Variants in LPP observed in about 807,000 individuals in gnomAD.
The protein encoded by LPP is lipoma-preferred partner.
A neutral mutation model predicts 60.4 loss-of-function variants in LPP; 38 were observed. The ratio of observed to expected loss-of-function variants is 0.63; its 90% CI spans 0.49 to 0.83. The LOEUF is 0.83. LPP is among the 40% of genes least tolerant of loss of function. The pLI is 0.00. For missense variants in LPP, 902 were observed against 783.6 expected (o/e 1.15, Z -1.80); for synonymous variants, 328 against 290.8 (o/e 1.13, Z -1.30).
At chr3:188,334,607 T>C (rs1380398567) in intron 2 of LPP, among the ~76,000 whole-genome samples, 1 of 152,022 alleles carries the variant, frequency 6.6e-6, no homozygotes, top group Non-Finnish European at 1.5e-5. Flanking sequence ...ATTTTTGTGT[T>C]TTTAGTACAG....
intron 7 of LPP, among the ~76,000 whole-genome samples, chr3:188,667,376 G>A (rs1282354593): frequency 6.6e-6 from 1 of 151,850 alleles, no homozygotes; most frequent in East Asian, 1.9e-4. Flanking sequence ...TACTTGGGAG[G>A]CTGAGGCAGG....
chr3:188,771,441 C>T (rs1177312359), intron 9 of LPP, among the ~76,000 whole-genome samples: 4 of 149,814 alleles, frequency 2.7e-5, no homozygotes, highest in Admixed American at 6.7e-5. Context: ...CCCAGCTACT[C>T]GGGAGGCTGA....
intron 7 of LPP, among the ~76,000 whole-genome samples, chr3:188,699,901 C>T (rs1864038124): frequency 6.6e-6 from 1 of 151,994 alleles, no homozygotes; most frequent in South Asian, 2.1e-4. Flanking sequence ...GAAGCAGCCA[C>T]AGGAAATTGC....
intron 5 of LPP, among the ~76,000 whole-genome samples, chr3:188,511,012 C>A (rs888796127): frequency 1.6e-4 from 24 of 151,564 alleles, no homozygotes; most frequent in African/African-American, 5.6e-4. Flanking sequence ...TGGCAGAGAA[C>A]CCCTGATCCA....
chr3:188,753,911 C>T (rs567685352), intron 8 of LPP, among the ~76,000 whole-genome samples: 2 of 152,188 alleles, frequency 1.3e-5, no homozygotes, highest in South Asian at 2.1e-4. Flanking sequence ...TATACACAAG[C>T]ACAGTGACAG....
intron 7 of LPP, among the ~76,000 whole-genome samples, chr3:188,625,317 A>C (rs1364768510): frequency 6.6e-6 from 1 of 152,208 alleles, no homozygotes; most frequent in East Asian, 1.9e-4. Context: ...CTCACAGTAT[A>C]ATTAGGACTT....
chr3:188,668,099 A>C (rs1856188060), intron 7 of LPP, among the ~76,000 whole-genome samples: 1 of 152,106 alleles, frequency 6.6e-6, no homozygotes. Flanking sequence ...TTCTCTGACA[A>C]GCTGTTACCT....
chr3:188,845,510 A>C (rs1761170727), intron 9 of LPP, among the ~76,000 whole-genome samples: 1 of 152,178 alleles, frequency 6.6e-6, no homozygotes, highest in Admixed American at 6.6e-5. Context: ...GAATTTTAGA[A>C]AGGGTCTCTT....
chr3:188,268,750 G>A (rs547249646), intron 2 of LPP, among the ~76,000 whole-genome samples: 72 of 152,286 alleles, frequency 4.7e-4, no homozygotes, highest in African/African-American at 1.7e-3. Flanking sequence ...ACTGACTTAC[G>A]CCATTGTGCC....
At chr3:188,713,565 G>A (rs1301583394) in intron 8 of LPP, among the ~76,000 whole-genome samples, 3 of 152,122 alleles carry the variant, frequency 2.0e-5, no homozygotes, top group African/African-American at 4.8e-5. Context: ...GTATGATTGT[G>A]TCTACAGTTT....
At chr3:188,215,779 A>G (rs1713309947) in intron 1 of LPP, among the ~76,000 whole-genome samples, 1 of 152,200 alleles carries the variant, frequency 6.6e-6, no homozygotes, top group African/African-American at 2.4e-5. Flanking sequence ...GTGGAGACTA[A>G]TTTTACCTAA....
At chr3:188,621,516 C>T (rs768667886) in intron 7 of LPP, among the ~76,000 whole-genome samples, 5 of 152,060 alleles carry the variant, frequency 3.3e-5, no homozygotes, top group African/African-American at 7.2e-5. Flanking sequence ...TTTTTTTTGA[C>T]TGCACAGTAT....
chr3:188,324,840 C>T (rs1266091135), intron 2 of LPP, among the ~76,000 whole-genome samples: 1 of 152,128 alleles, frequency 6.6e-6, no homozygotes, highest in African/African-American at 2.4e-5. Context: ...GTTTGACTTA[C>T]AATTTGTCCA....
rs561143076 is a variant in LPP at position 188,200,392 on chromosome 3, G to A, written c.-189-25013G>A. On this transcript the variant is annotated intron_variant, in intron 1 of 11. Coordinates refer to ENST00000617246, the MANE Select transcript of LPP (RefSeq NM_001375462.1). The stretch of plus-strand genomic sequence containing the variant: ...AGCCTCCCGAGTAACTGTGATTACA[G>A]GCACATGCCACCATGCCCCACTAAT... Among the ~76,000 whole-genome samples the A allele has an allele frequency of 7.8e-4, 119 of 152,232 alleles. 1 individual carries two copies. The highest frequency in any genetic ancestry group is 2.7e-3 in the African/African-American group (111 of 41,544).
intron 4 of LPP, among the ~76,000 whole-genome samples, chr3:188,410,126 C>T (rs1215744111): frequency 6.6e-6 from 1 of 152,182 alleles, no homozygotes; most frequent in African/African-American, 2.4e-5. Flanking sequence ...TGCCTTTTCC[C>T]TCAACAGCAC....
At chr3:188,337,892 C>T (rs551809326) in intron 2 of LPP, among the ~76,000 whole-genome samples, 14 of 152,320 alleles carry the variant, frequency 9.2e-5, no homozygotes, top group Non-Finnish European at 1.3e-4. Context: ...GGCCATGCTA[C>T]TGATGTCACT....
intron 6 of LPP, among the ~76,000 whole-genome samples, chr3:188,549,705 A>G (rs1346124311): frequency 6.6e-6 from 1 of 152,248 alleles, no homozygotes; most frequent in East Asian, 1.9e-4. Flanking sequence ...TGAGTAGCAC[A>G]GAGGTCTCCA....
intron 9 of LPP, among the ~76,000 whole-genome samples, chr3:188,790,055 C>T (rs1289859138): frequency 1.3e-5 from 2 of 152,058 alleles, no homozygotes; most frequent in Non-Finnish European, 2.9e-5. Flanking sequence ...AACTCGATTT[C>T]AGACAGTAGG....
intron 7 of LPP, among the ~76,000 whole-genome samples, chr3:188,705,195 T>C (rs1865247535): frequency 6.6e-6 from 1 of 152,248 alleles, no homozygotes; most frequent in Non-Finnish European, 1.5e-5. Flanking sequence ...TTCCACCTGC[T>C]AGAAAGAATC....
Sources: allele counts gnomAD v4.1 joint callset (sites outside exome capture counted in the v4.1 genomes callset), GRCh38; gene constraint gnomAD v4.1.1; transcripts MANE v1.5; gene names NCBI Gene and HGNC (gene_info 2026-07-23, HGNC 2026-07-21).